Variants in FBLN7 observed in about 807,000 individuals in gnomAD.
The protein encoded by FBLN7 is fibulin-7.
In FBLN7, 31 loss-of-function variants were observed where a neutral mutation model predicts 44.0. The observed-to-expected ratio is 0.70, with a 90% confidence interval of 0.53 to 0.95. The LOEUF (loss-of-function observed/expected upper bound fraction) is 0.95. FBLN7 is among the 40% of genes least tolerant of loss of function. FBLN7 has a pLI of 0.00. For synonymous variants in FBLN7, 262 were observed against 253.4 expected, an observed-to-expected ratio of 1.03 and a Z score of -0.32; for missense variants, 573 against 618.5, an observed-to-expected ratio of 0.93 and a Z score of 0.78.
intron 3 of FBLN7, among the ~76,000 whole-genome samples, chr2:112,174,452 TC>T (rs1359459882): frequency 1.3e-5 from 2 of 152,206 alleles, no homozygotes; most frequent in Non-Finnish European, 2.9e-5. Context: ...TCCCTCCCAT[TC>T]CACCCAAAAC....
intron 3 of FBLN7, among the ~76,000 whole-genome samples, chr2:112,171,782 G>A (rs574971341): frequency 9.9e-4 from 150 of 152,104 alleles, no homozygotes; most frequent in African/African-American, 3.2e-3. Context: ...TCCTCCTAAG[G>A]GCTATTCTAG....
At chr2:112,214,125 T>A in the FBLN7 span, 1 of 151,648 alleles carries the variant, frequency 6.6e-6, no homozygotes, top group African/African-American at 2.4e-5. Context: ...TTTTTGTAAT[T>A]TTAGTAGAGA....
chr2:112,197,799 G>T, the FBLN7 span, among the ~76,000 whole-genome samples: 1 of 152,192 alleles, frequency 6.6e-6, no homozygotes, highest in Non-Finnish European at 1.5e-5. Context: ...AAGCCATTTT[G>T]CAATGAGGGC....
At chr2:112,175,965 C>T in intron 4 of FBLN7, 126 bp downstream of exon 4, 1 of 1,218,320 alleles carries the variant, frequency 8.2e-7, no homozygotes, top group South Asian at 1.7e-5. Flanking sequence ...AGCTTTTCCT[C>T]TCTGTTTCAC....
rs565971985 is a variant in FBLN7 at position 112,149,593 on chromosome 2, T to C, written c.76-10083T>C. ...GTGCTGGCCACTCTCCCCTGACCCATAGGGGCAAGGGTTTGTGCAGCCCTG... is the reference window on the plus strand; with the variant it reads ...GTGCTGGCCACTCTCCCCTGACCCACAGGGGCAAGGGTTTGTGCAGCCCTG... On this transcript the variant is annotated intron_variant, in intron 1 of 7. Transcript: ENST00000331203. Among the ~76,000 whole-genome samples, 3 of 152,190 alleles carry C rather than the reference T, an allele frequency of 2.0e-5. No homozygotes were observed. The South Asian group carries it at 6.2e-4, about 32-fold the overall frequency.
chr2:112,139,502 G>C (rs1489924133), intron 1 of FBLN7, among the ~76,000 whole-genome samples: 3 of 4,970 alleles, frequency 6.0e-4, no homozygotes, highest in African/African-American at 3.5e-3. Flanking sequence ...CCTCTCTCCA[G>C]GCCAGCGTCC....
Position 112,157,921 on chromosome 2 carries a change from C to T in FBLN7, c.76-1755C>T, listed in dbSNP as rs557635815. 7.8e-4 allele frequency among the ~76,000 whole-genome samples: 107 copies of T among 136,722 alleles called. 1 individual carries two copies. The highest frequency in any genetic ancestry group is 2.9e-3 in the African/African-American group (103 of 35,518). 89.7% of individuals were successfully genotyped at this position (136,722 alleles called of 152,430 possible). On this transcript the variant is annotated intron_variant, in intron 1 of 7. Transcript: ENST00000331203. ...TTGGTTCTTTTTTTTTTTTTTGAGA[C>T]GGAGTCTCGCTGTCGCCCAGGTTGG... is the stretch of plus-strand genomic sequence containing the variant.
chr2:112,177,854 A>AT (rs760863776), intron 4 of FBLN7: 2 of 151,664 alleles, frequency 1.3e-5, no homozygotes, highest in Non-Finnish European at 2.9e-5. Flanking sequence ...GAAAAATAAC[A>AT]TTTTTTCCTG....
chr2:112,221,920 G>A, the FBLN7 span, among the ~76,000 whole-genome samples: 1 of 152,130 alleles, frequency 6.6e-6, no homozygotes, highest in Non-Finnish European at 1.5e-5. Flanking sequence ...ACAGTCATTT[G>A]GAGGTAAGAA....
chr2:112,204,908 T>C, the FBLN7 span, among the ~76,000 whole-genome samples: 1 of 152,122 alleles, frequency 6.6e-6, no homozygotes, highest in African/African-American at 2.4e-5. Context: ...AAAGACAATA[T>C]AAATATATTT....
At chr2:112,243,130 C>T in the FBLN7 span, among the ~76,000 whole-genome samples, 2 of 152,224 alleles carry the variant, frequency 1.3e-5, no homozygotes, top group Admixed American at 1.3e-4. Context: ...TGCTTGGTAT[C>T]ACTGTGCTGT....
At chr2:112,240,356 G>C in the FBLN7 span, 2 of 152,248 alleles carry the variant, frequency 1.3e-5, no homozygotes, top group African/African-American at 4.8e-5. Flanking sequence ...TCCTGTGATA[G>C]ATTATGTTTA....
the FBLN7 span, among the ~76,000 whole-genome samples, chr2:112,194,565 C>T: frequency 6.6e-6 from 1 of 152,188 alleles, no homozygotes; most frequent in East Asian, 1.9e-4. Flanking sequence ...ATATTGTTAC[C>T]TCCACCATAC....
intron 3 of FBLN7, 68 bp from the exon 4 acceptor site, chr2:112,175,645 GT>G: frequency 6.3e-7 from 1 of 1,581,436 alleles, no homozygotes; most frequent in Non-Finnish European, 8.6e-7. Context: ...CCCTTCATCA[GT>G]TTTTTATTGT....
intron 1 of FBLN7, among the ~76,000 whole-genome samples, chr2:112,147,159 A>G (rs1486028894): frequency 3.3e-5 from 5 of 152,216 alleles, no homozygotes; most frequent in Admixed American, 2.0e-4. Context: ...GAATTTACCA[A>G]TGAAACCATG....
chr2:112,184,204 C>T (rs1180875082), intron 6 of FBLN7, among the ~76,000 whole-genome samples: 1 of 152,198 alleles, frequency 6.6e-6, no homozygotes, highest in Non-Finnish European at 1.5e-5. Flanking sequence ...GGACTTCCCC[C>T]ATGGAAACAG....
chr2:112,185,125 G>C, intron 6 of FBLN7, 76 bp from the exon 7 acceptor site: 2 of 1,548,886 alleles, frequency 1.3e-6, no homozygotes, highest in Non-Finnish European at 1.8e-6. Flanking sequence ...GGACCTGCAG[G>C]GCCTCTCATG....
chr2:112,171,962 T>C, intron 3 of FBLN7, among the ~76,000 whole-genome samples: 1 of 152,304 alleles, frequency 6.6e-6, no homozygotes, highest in Non-Finnish European at 1.5e-5. Context: ...TTAGCCAGGA[T>C]GGTCTCGATC....
intron 3 of FBLN7, among the ~76,000 whole-genome samples, chr2:112,168,395 C>A (rs1682279350): frequency 6.6e-6 from 1 of 152,180 alleles, no homozygotes; most frequent in African/African-American, 2.4e-5. Context: ...ATAGATGGGG[C>A]CTGGGCATTG....
Sources: allele counts gnomAD v4.1 joint callset (sites outside exome capture counted in the v4.1 genomes callset), GRCh38; gene constraint gnomAD v4.1.1; transcripts MANE v1.5; gene names NCBI Gene and HGNC (gene_info 2026-07-23, HGNC 2026-07-21).